The following WNT5B variants were observed in gnomAD, a reference collection of about 807,000 sequenced individuals.
WNT5B encodes the protein Wnt family member 5B, also known as protein Wnt-5b.
A neutral mutation model predicts 36.5 loss-of-function variants in WNT5B; 18 were observed. The observed-to-expected ratio is 0.49, with a 90% CI of 0.34 to 0.73. The LOEUF (loss-of-function observed/expected upper bound fraction) is 0.73, where lower values mean the gene tolerates loss of function less well. WNT5B is among the 30% of genes least tolerant of loss of function. WNT5B has a pLI of 0.01. For missense variants in WNT5B, 424 were observed against 508.4 expected (o/e 0.83, Z 1.60); for synonymous variants, 213 against 212.3 (o/e 1.00, Z -0.03).
chr12:1,641,277 T>C (rs1444829216), intron 4 of WNT5B, among the ~76,000 whole-genome samples: 1 of 151,614 alleles, frequency 6.6e-6, no homozygotes, highest in African/African-American at 2.4e-5. Flanking sequence ...TCCCAGCTAC[T>C]TGGGAGGCTG....
chr12:1,623,195 T>TTTTG lies in WNT5B; in HGVS notation c.-58+6055_-58+6056insGTTT, dbSNP rs1396096338. Among the ~76,000 whole-genome samples the TTTTG allele has an allele frequency of 1.0e-3, 116 of 111,342 alleles. 5 individuals carry two copies. Among genetic ancestry groups the TTTTG allele is most frequent in the Non-Finnish European group, 1.3e-3 (68 of 53,778 alleles). 73.0% of individuals were successfully genotyped at this position (111,342 alleles called of 152,430 possible). On this transcript the variant is annotated intron_variant, in intron 1 of 4. Coordinates refer to the WNT5B transcript ENST00000310594. ...TTGAAGGGTTTTTTGTTGTTTTTTTTTTTTTTTTTTTTTTTTTTGAGACGG... is the reference window on the plus strand; with the variant it reads ...TTGAAGGGTTTTTTGTTGTTTTTTTTTTTGTTTTTTTTTTTTTTTTTTGAGACGG...
chr12:1,641,624 G>A lies in WNT5B; in HGVS notation c.621+1648G>A, dbSNP rs531110597. ...TCAAGACCAGGCTGGCCAACATGGTGAAACCCCATCTCTAGTAAAAATACA... is the reference window on the plus strand; with the variant it reads ...TCAAGACCAGGCTGGCCAACATGGTAAAACCCCATCTCTAGTAAAAATACA... On this transcript the variant is annotated intron_variant, in intron 4 of 4. Coordinates refer to ENST00000397196, the MANE Select transcript of WNT5B (RefSeq NM_032642.3). 9.9e-5 allele frequency among the ~76,000 whole-genome samples: 15 copies of A among 151,886 alleles called. No individual in the cohort carries two copies. The South Asian group carries it at 3.1e-3, about 32-fold the overall frequency.
chr12:1,639,855 ACGG>A lies in WNT5B; in HGVS notation c.502_504del (p.Gly168del). ...GGCGGCTGTGGGGACAACGTGGAGT[ACGG>A]CTACCGCTTCGCCAAGGAGTTTGTG... is the stretch of plus-strand genomic sequence containing the variant. On this transcript the variant is annotated inframe_deletion, in exon 4 of 5. Coordinates refer to ENST00000397196, the MANE Select transcript of WNT5B (RefSeq NM_032642.3). The A allele has an allele frequency of 6.2e-7, 1 of 1,613,826 alleles. No individual in the cohort carries two copies. The highest frequency in any genetic ancestry group is 8.5e-7 in the Non-Finnish European group (1 of 1,179,872).
Position 1,644,642 on chromosome 12 carries a change from T to C in WNT5B, c.622-1152T>C, listed in dbSNP as rs1256614231. Among the ~76,000 whole-genome samples the C allele has an allele frequency of 1.3e-5, 2 of 152,142 alleles. No individual in the cohort carries two copies. The highest frequency in any genetic ancestry group is 4.8e-5 in the African/African-American group (2 of 41,434). On this transcript the variant is annotated intron_variant, in intron 4 of 4. Transcript: ENST00000397196. The surrounding 1 kb of genome is among the most constrained non-coding windows in gnomAD (Gnocchi z 5.1). Reference sequence around the variant, plus strand: ...TGAGTCCTGACTCAGTTGGTGACAATAGCCATGCATAAGAAAATGCTCTGC... The same window carrying C: ...TGAGTCCTGACTCAGTTGGTGACAACAGCCATGCATAAGAAAATGCTCTGC...
rs978096378 is a variant in WNT5B, at chr12:1,618,327, G to C, written c.-58+1184G>C. Among the ~76,000 whole-genome samples the C allele has an allele frequency of 6.6e-6, 1 of 152,170 alleles. No homozygotes were observed. The highest frequency in any genetic ancestry group is 1.5e-5 in the Non-Finnish European group (1 of 68,038). On this transcript the variant is annotated intron_variant, in intron 1 of 4. Transcript: ENST00000310594. This position sits in a 1 kb window ranked among gnomAD's most constrained non-coding sequence, Gnocchi z 4.1. ...AGAGAGAGGTTATCCACCTGCCCTT[G>C]GTGGTGATCCAGAAGTCCATTTATT...
intron 1 of WNT5B, 27 bp from the exon 2 acceptor site, chr12:1,631,271 C>T: frequency 6.3e-7 from 1 of 1,579,290 alleles, no homozygotes. Flanking sequence ...AGTTTCCACA[C>T]TGACTCTCCA....
At chr12:1,643,769 CTA>C (rs35447664) in intron 4 of WNT5B, among the ~76,000 whole-genome samples, 88,681 of 138,424 alleles carry the variant, frequency 0.64, 28,530 homozygotes, top group East Asian at 0.72. Context: ...CAAAAGGAGC[CTA>C]TATATATATA....
upstream of WNT5B, among the ~76,000 whole-genome samples, chr12:1,628,944 C>T (rs2094545060): frequency 6.6e-6 from 1 of 151,470 alleles, no homozygotes; most frequent in African/African-American, 2.4e-5. Flanking sequence ...TGCACGCGCG[C>T]GTGCATATGT....
chr12:1,631,511 C>G lies in WNT5B; in HGVS notation c.80+77C>G. Reference sequence around the variant, plus strand: ...CGACTGAGATGAGGAGGAAGGGCACCGTGTGTCACGGTAGTACCTTGATTC... The same window carrying G: ...CGACTGAGATGAGGAGGAAGGGCACGGTGTGTCACGGTAGTACCTTGATTC... On this transcript the variant is annotated intron_variant, in intron 2 of 4. Transcript: ENST00000397196. 3 of 1,606,004 alleles carry G rather than the reference C, an allele frequency of 1.9e-6. No individual in the cohort carries two copies. The South Asian group carries it at 3.3e-5, about 18-fold the overall frequency.
chr12:1,637,613 G>A (rs1407085569), intron 3 of WNT5B, among the ~76,000 whole-genome samples: 3 of 151,466 alleles, frequency 2.0e-5, no homozygotes, highest in Non-Finnish European at 2.9e-5. Flanking sequence ...AGCCAGGCGC[G>A]GTGGCAGGTG....
At position 1,636,321 on chromosome 12, in the gene WNT5B, T is replaced by C. The variant is rs373372551; in HGVS notation, c.329-3363T>C. ...GCTCCACAGAGAAACTGCACACCCGTTAACTGTCACTCTGCGTACCCCAAC... is the reference window on the plus strand; with the variant it reads ...GCTCCACAGAGAAACTGCACACCCGCTAACTGTCACTCTGCGTACCCCAAC... On this transcript the variant is annotated intron_variant, in intron 3 of 4. Transcript: ENST00000397196. Among the ~76,000 whole-genome samples the C allele has an allele frequency of 5.3e-5, 8 of 151,412 alleles. No individual in the cohort carries two copies. In the East Asian group the frequency reaches 1.4e-3, roughly 26 times the overall value.
In WNT5B at chr12:1,630,311, G is replaced by C. The variant is rs2094548028; in HGVS notation, c.-58+940G>C. The C allele has an allele frequency of 1.2e-6, 1 of 868,704 alleles. No homozygotes were observed. The highest frequency in any genetic ancestry group is 1.4e-6 in the Non-Finnish European group (1 of 723,398). 53.8% of individuals were successfully genotyped at this position (868,704 alleles called of 1,614,324 possible). On this transcript the variant is annotated intron_variant, in intron 1 of 4. Coordinates refer to ENST00000397196, the MANE Select transcript of WNT5B (RefSeq NM_032642.3). This position sits in a 1 kb window ranked among gnomAD's most constrained non-coding sequence, Gnocchi z 5.3. ...GGACCGCGGGGGAGCCGCAGGGGCC[G>C]TGTGTCCCGAGGCGCAGGCTCGCTC... is the stretch of plus-strand genomic sequence containing the variant.
In WNT5B at chr12:1,644,066, G is replaced by A. The variant is rs1402089562; in HGVS notation, c.622-1728G>A. Among the ~76,000 whole-genome samples, 1 of 152,152 alleles carries A rather than the reference G, an allele frequency of 6.6e-6. No homozygotes were observed. The highest frequency in any genetic ancestry group is 2.4e-5 in the African/African-American group (1 of 41,450). ...GCTCCGAGTTGCTAAGTGGCAAAGT[G>A]CACAGTTTCCAACCCTTAATGTTTC... On this transcript the variant is annotated intron_variant, in intron 4 of 4. Transcript: ENST00000397196. This position sits in a 1 kb window ranked among gnomAD's most constrained non-coding sequence, Gnocchi z 5.1.
intron 1 of WNT5B, among the ~76,000 whole-genome samples, chr12:1,621,185 G>A (rs1226403149): frequency 6.6e-6 from 1 of 151,680 alleles, no homozygotes; most frequent in African/African-American, 2.4e-5. Context: ...ACACTATAGA[G>A]ATACAATCAA....
At chr12:1,643,769 CTATATA>C (rs35447664) in intron 4 of WNT5B, among the ~76,000 whole-genome samples, 16 of 138,856 alleles carry the variant, frequency 1.2e-4, no homozygotes, top group African/African-American at 3.2e-4. Context: ...CAAAAGGAGC[CTATATA>C]TATATATATA....
Position 1,646,263 on chromosome 12 carries a change from C to G in WNT5B, c.*11C>G. ...TACATCTGTAAATAGCCCGGAGGGCCTGCTCCCGGCCCCCCTGCACTCTGC... is the reference window on the plus strand; with the variant it reads ...TACATCTGTAAATAGCCCGGAGGGCGTGCTCCCGGCCCCCCTGCACTCTGC... On this transcript the variant is annotated 3_prime_UTR_variant, in exon 5 of 5. Coordinates refer to ENST00000397196, the MANE Select transcript of WNT5B (RefSeq NM_032642.3). 1 of 1,598,930 alleles carries G rather than the reference C, an allele frequency of 6.3e-7. No homozygotes were observed. The highest frequency in any genetic ancestry group is 8.5e-7 in the Non-Finnish European group (1 of 1,171,336).
At chr12:1,645,275 G>C (rs984548968) in intron 4 of WNT5B, among the ~76,000 whole-genome samples, 2 of 152,172 alleles carry the variant, frequency 1.3e-5, no homozygotes, top group African/African-American at 2.4e-5. Context: ...GTCTTGCCCT[G>C]TTGCCCAGGC....
At chr12:1,620,238 G>T (rs1182254848) in intron 1 of WNT5B, among the ~76,000 whole-genome samples, 1 of 152,096 alleles carries the variant, frequency 6.6e-6, no homozygotes, top group African/African-American at 2.4e-5. Flanking sequence ...ACCACTCCCT[G>T]ATGTCATCAT....
intron 1 of WNT5B, among the ~76,000 whole-genome samples, chr12:1,617,492 T>C (rs1373428833): frequency 6.6e-6 from 1 of 151,828 alleles, no homozygotes; most frequent in East Asian, 1.9e-4. Context: ...TAGCTGGGCA[T>C]TGTGGCATGT....
Sources: allele counts gnomAD v4.1 joint callset (sites outside exome capture counted in the v4.1 genomes callset), GRCh38; gene constraint gnomAD v4.1.1; non-coding constraint Gnocchi (gnomAD v3.1); transcripts MANE v1.5; gene names NCBI Gene and HGNC (gene_info 2026-07-23, HGNC 2026-07-21).